TEX14: variants seen among roughly 807,000 people sequenced by gnomAD.
TEX14 encodes the protein inactive serine/threonine-protein kinase TEX14.
In TEX14, 168 loss-of-function variants were observed where a neutral mutation model predicts 178.6. The ratio of observed to expected loss-of-function variants is 0.94; its 90% CI spans 0.83 to 1.07. TEX14 has a LOEUF of 1.07. Among genes scored for constraint, TEX14 ranks in the 50% least tolerant of loss-of-function variants. TEX14 has a pLI of 0.00. For synonymous variants in TEX14, 626 were observed against 634.1 expected, an observed-to-expected ratio of 0.99 and a Z score of 0.19; for missense variants, 1,730 against 1,753.6, an observed-to-expected ratio of 0.99 and a Z score of 0.24.
chr17:58,619,986 C>T (rs1598392247), intron 5 of TEX14, among the ~76,000 whole-genome samples: 1 of 152,152 alleles, frequency 6.6e-6, no homozygotes, highest in East Asian at 1.9e-4. Context: ...GCCTCCTCTC[C>T]TTGTACAGAG....
chr17:58,577,592 C>G (rs1270610034), intron 20 of TEX14, 136 bp from the exon 21 acceptor site: 9 of 344,258 alleles, frequency 2.6e-5, no homozygotes, highest in Non-Finnish European at 4.0e-5. Flanking sequence ...AAACAAAGTG[C>G]TGCCCTAATT....
chr17:58,682,553 C>T (rs968870786), intron 1 of TEX14, among the ~76,000 whole-genome samples: 6 of 152,104 alleles, frequency 3.9e-5, no homozygotes, highest in Non-Finnish European at 7.4e-5. Context: ...CCACCACGAC[C>T]ACTCCTCCAA....
intron 1 of TEX14, among the ~76,000 whole-genome samples, chr17:58,654,494 A>C (rs536854645): frequency 1.3e-4 from 19 of 148,666 alleles, no homozygotes; most frequent in African/African-American, 3.9e-4. Flanking sequence ...AAAAAAAAAA[A>C]CAACTTGTAA....
chr17:58,611,107 G>A, intron 10 of TEX14, 54 bp downstream of exon 10: 3 of 1,327,182 alleles, frequency 2.3e-6, no homozygotes, highest in Non-Finnish European at 2.2e-6. Context: ...CTATAGGAAG[G>A]GTCCCCAAGG....
intron 5 of TEX14, among the ~76,000 whole-genome samples, chr17:58,618,613 C>T (rs2045929661): frequency 6.6e-6 from 1 of 152,220 alleles, no homozygotes; most frequent in Non-Finnish European, 1.5e-5. Context: ...GATCCTACTG[C>T]CACCAGAGGC....
At chr17:58,611,018 G>T in intron 10 of TEX14, 143 bp downstream of exon 10, 1 of 632,526 alleles carries the variant, frequency 1.6e-6, no homozygotes, top group East Asian at 2.6e-5. Context: ...GACAGGGTAA[G>T]GCATTTGGGA....
rs371637367 is a variant in TEX14 at position 58,601,975 on chromosome 17, T to C, written c.1528-19A>G. 6.2e-7 allele frequency: 1 copy of C among 1,612,024 alleles called. No homozygotes were observed. Among genetic ancestry groups the C allele is most frequent in the African/African-American group, 1.3e-5 (1 of 74,830 alleles). ...TAAAATCCTGTAACACAGGAAATAT[T>C]GTCAAGGACATAGTCTCAGTCATCC... is the stretch of plus-strand genomic sequence containing the variant. On this transcript the variant is annotated intron_variant, in intron 12 of 31. Coordinates refer to ENST00000349033, the MANE Select transcript of TEX14 (RefSeq NM_031272.5).
In TEX14 at chr17:58,598,856, C is replaced by G; in HGVS notation, c.2469+20G>C. 1 of 1,560,280 alleles carries G rather than the reference C, an allele frequency of 6.4e-7. No individual in the cohort carries two copies. The highest frequency in any genetic ancestry group is 8.6e-7 in the Non-Finnish European group (1 of 1,156,256). Reference sequence around the variant, plus strand: ...TTTCCTGGATCTTTTGCCAAAATGTCCCCCTTGAAAGTCTCTTACCATTCT... The same window carrying G: ...TTTCCTGGATCTTTTGCCAAAATGTGCCCCTTGAAAGTCTCTTACCATTCT... On this transcript the variant is annotated intron_variant, in intron 14 of 31. Coordinates refer to ENST00000349033, the MANE Select transcript of TEX14 (RefSeq NM_031272.5).
intron 29 of TEX14, among the ~76,000 whole-genome samples, chr17:58,559,906 C>A (rs1567986940): frequency 6.6e-6 from 1 of 152,156 alleles, no homozygotes; most frequent in Non-Finnish European, 1.5e-5. Context: ...CTATGCTATA[C>A]TGCTCCAAAG....
intron 8 of TEX14, among the ~76,000 whole-genome samples, chr17:58,613,769 C>T (rs2045805854): frequency 6.6e-6 from 1 of 152,028 alleles, no homozygotes; most frequent in African/African-American, 2.4e-5. Context: ...TGGGTTGAAG[C>T]GATTCTACTG....
chr17:58,635,941 C>T (rs973159550), intron 2 of TEX14, among the ~76,000 whole-genome samples: 2 of 152,098 alleles, frequency 1.3e-5, no homozygotes, highest in African/African-American at 2.4e-5. Context: ...AGACAGGTTT[C>T]ACCATGTTGC....
chr17:58,652,973 T>G (rs571141796), intron 1 of TEX14, among the ~76,000 whole-genome samples: 1 of 152,250 alleles, frequency 6.6e-6, no homozygotes, highest in African/African-American at 2.4e-5. Context: ...AGTCTTACTC[T>G]GTCATCAGGC....
In TEX14 at chr17:58,573,213, G is replaced by A. The variant is rs774938569; in HGVS notation, c.3479C>T (p.Ala1160Val). 1.2e-6 allele frequency: 2 copies of A among 1,614,146 alleles called. No homozygotes were observed. The highest frequency in any genetic ancestry group is 1.7e-6 in the Non-Finnish European group (2 of 1,179,992). ...ASCKTPKINH[A>V]PTSVSTPLSP... ...GAGTGGAGTGCTGACACTGGTAGGTGCATGGTTTATTTTGGGTGTTTTGCA... is the reference window on the plus strand; with the variant it reads ...GAGTGGAGTGCTGACACTGGTAGGTACATGGTTTATTTTGGGTGTTTTGCA... Residue 1160 changes from alanine (A) to valine (V), a missense_variant, in exon 23 of 32, where the codon GCA (alanine) becomes GTA (valine). Ala to Val is a moderately conservative substitution (Grantham distance 64). Around this residue, in one of 2 missense-constraint regions of TEX14, gnomAD observed 941 missense variants for 1,072.4 expected, o/e 0.88. Transcript: ENST00000349033.
chr17:58,563,056 A>G (rs2044304512), intron 28 of TEX14, among the ~76,000 whole-genome samples: 1 of 142,874 alleles, frequency 7.0e-6, no homozygotes, highest in Admixed American at 7.2e-5. Flanking sequence ...CTGGGCAACA[A>G]TGTGAGACTC....
intron 1 of TEX14, among the ~76,000 whole-genome samples, chr17:58,658,393 T>C (rs1421218938): frequency 6.8e-6 from 1 of 147,142 alleles, no homozygotes; most frequent in Non-Finnish European, 1.5e-5. Flanking sequence ...CCGGCTTTTT[T>C]TTTTTTTTTT....
intron 19 of TEX14, chr17:58,581,855 T>C: frequency 9.7e-7 from 1 of 1,032,372 alleles, no homozygotes; most frequent in East Asian, 2.5e-5. Flanking sequence ...GACACTGAGC[T>C]GACTCTCCCT....
intron 28 of TEX14, among the ~76,000 whole-genome samples, chr17:58,562,331 T>C (rs2044289420): frequency 1.3e-5 from 2 of 152,144 alleles, no homozygotes; most frequent in South Asian, 4.1e-4. Context: ...CTGAAAGTCC[T>C]GCTCATCTGA....
chr17:58,649,620 A>C (rs1250422247), intron 2 of TEX14, among the ~76,000 whole-genome samples: 1 of 152,142 alleles, frequency 6.6e-6, no homozygotes, highest in Non-Finnish European at 1.5e-5. Context: ...GGAGATAATA[A>C]ATGTCATAAT....
At chr17:58,622,576 AC>A (rs1488510511) in intron 4 of TEX14, among the ~76,000 whole-genome samples, 8 of 152,196 alleles carry the variant, frequency 5.3e-5, no homozygotes, top group Admixed American at 6.5e-5. Flanking sequence ...TATATAAAAA[AC>A]ATTTAAAACA....
Sources: gnomAD v4.1 joint callset for allele counts (sites outside exome capture counted in the v4.1 genomes callset) on GRCh38, gnomAD v4.1.1 for gene constraint, gnomAD v4.1.1 regional missense constraint, MANE v1.5 for transcripts, NCBI Gene and HGNC (gene_info 2026-07-23, HGNC 2026-07-21) for gene names.